Variants in PDE4D observed in about 807,000 individuals in gnomAD.
PDE4D encodes phosphodiesterase 4D.
PDE4D carries 24 observed loss-of-function variants against 87.4 expected under a neutral mutation model. The ratio of observed to expected loss-of-function variants is 0.27; its 90% CI spans 0.20 to 0.39. The LOEUF is 0.39. PDE4D is among the 10% of genes least tolerant of loss of function. The pLI, the probability that PDE4D is intolerant of heterozygous loss-of-function variation, is 1.00. For synonymous variants in PDE4D, 384 were observed against 383.2 expected, an observed-to-expected ratio of 1.00 and a Z score of -0.02; for missense variants, 714 against 1,041.0, an observed-to-expected ratio of 0.69 and a Z score of 4.32.
At chr5:60,001,026 G>T (rs553131020) in intron 2 of PDE4D, among the ~76,000 whole-genome samples, 1 of 152,248 alleles carries the variant, frequency 6.6e-6, no homozygotes, top group Non-Finnish European at 1.5e-5. Context: ...TGTCCCCAGA[G>T]ATGTATGCCC....
chr5:60,013,607 C>T (rs978523852), intron 2 of PDE4D, among the ~76,000 whole-genome samples: 1 of 152,106 alleles, frequency 6.6e-6, no homozygotes, highest in African/African-American at 2.4e-5. Flanking sequence ...GTAAAAGGTA[C>T]AAGAAGTTGA....
At chr5:59,714,705 G>A (rs1256919563) in intron 1 of PDE4D, among the ~76,000 whole-genome samples, 1 of 152,188 alleles carries the variant, frequency 6.6e-6, no homozygotes, top group Non-Finnish European at 1.5e-5. Context: ...AGGTGACAGT[G>A]GACTTTCATA....
intron 1 of PDE4D, among the ~76,000 whole-genome samples, chr5:59,442,711 C>G (rs745428690): frequency 1.3e-5 from 2 of 152,084 alleles, no homozygotes; most frequent in African/African-American, 4.8e-5. Flanking sequence ...GGTGCAGCAA[C>G]CTAGGAAGGT....
At chr5:59,125,790 A>G (rs1391442983) in intron 5 of PDE4D, among the ~76,000 whole-genome samples, 1 of 152,188 alleles carries the variant, frequency 6.6e-6, no homozygotes, top group African/African-American at 2.4e-5. Context: ...GACAGGTCAG[A>G]AAACATCTAA....
chr5:59,016,952 T>C (rs1465200046), intron 6 of PDE4D, among the ~76,000 whole-genome samples: 1 of 151,996 alleles, frequency 6.6e-6, no homozygotes, highest in Non-Finnish European at 1.5e-5. Flanking sequence ...GAGGGTAACA[T>C]CGTACATTGA....
chr5:60,182,621 G>T (rs1321185586), intron 2 of PDE4D, among the ~76,000 whole-genome samples: 1 of 152,124 alleles, frequency 6.6e-6, no homozygotes, highest in Non-Finnish European at 1.5e-5. Flanking sequence ...GCTCATGCCT[G>T]TAATCCCAGC....
intron 5 of PDE4D, among the ~76,000 whole-genome samples, chr5:59,062,567 G>T (rs755282210): frequency 6.6e-6 from 1 of 152,026 alleles, no homozygotes; most frequent in Non-Finnish European, 1.5e-5. Context: ...GGGATAGAGG[G>T]CTATGATGTG....
At chr5:59,019,820 G>T (rs1239551908) in intron 6 of PDE4D, among the ~76,000 whole-genome samples, 1 of 151,970 alleles carries the variant, frequency 6.6e-6, no homozygotes, top group East Asian at 1.9e-4. Flanking sequence ...CACACAACAG[G>T]CTTACATTAT....
intron 1 of PDE4D, among the ~76,000 whole-genome samples, chr5:59,832,144 T>A (rs1741340994): frequency 6.6e-6 from 1 of 152,086 alleles, no homozygotes. Flanking sequence ...TCAAATGGCA[T>A]TAGGCAGTTC....
At chr5:58,997,720 T>A (rs548108999) in intron 6 of PDE4D, among the ~76,000 whole-genome samples, 26 of 152,210 alleles carry the variant, frequency 1.7e-4, no homozygotes, top group African/African-American at 6.0e-4. Context: ...TCCTTTGTTC[T>A]CATTATACAT....
intron 1 of PDE4D, among the ~76,000 whole-genome samples, chr5:60,458,981 G>GTC (rs771230427): frequency 1.4e-5 from 2 of 147,098 alleles, no homozygotes; most frequent in African/African-American, 5.1e-5. Context: ...GTATAAGTTT[G>GTC]TGTGTGTGTG....
At chr5:59,283,990 C>T (rs1288954429) in intron 1 of PDE4D, among the ~76,000 whole-genome samples, 1 of 152,138 alleles carries the variant, frequency 6.6e-6, no homozygotes, top group Non-Finnish European at 1.5e-5. Flanking sequence ...ACAATATGCA[C>T]ACCTAGAATC....
At chr5:59,553,149 A>G (rs1394958489) in intron 1 of PDE4D, among the ~76,000 whole-genome samples, 1 of 152,086 alleles carries the variant, frequency 6.6e-6, no homozygotes, top group Admixed American at 6.6e-5. Context: ...TTTTTGCAAG[A>G]AGGCACAATT....
At chr5:59,881,884 T>C (rs1326286186) in intron 1 of PDE4D, among the ~76,000 whole-genome samples, 2 of 152,196 alleles carry the variant, frequency 1.3e-5, no homozygotes, top group African/African-American at 4.8e-5. Context: ...AAAGAAGTGA[T>C]GCTTGAATCA....
At chr5:60,196,784 G>C (rs1015069995) in intron 1 of PDE4D, among the ~76,000 whole-genome samples, 1 of 151,594 alleles carries the variant, frequency 6.6e-6, no homozygotes, top group African/African-American at 2.4e-5. Context: ...AAGGCACTGA[G>C]CCTTTTATTC....
At chr5:60,013,298 AACCTTTTT>A (rs1474785625) in intron 2 of PDE4D, among the ~76,000 whole-genome samples, 11 of 152,132 alleles carry the variant, frequency 7.2e-5, no homozygotes, top group African/African-American at 2.7e-4. Context: ...CTCAACTTTT[AACCTTTTT>A]ACCTTTAATC....
intron 1 of PDE4D, among the ~76,000 whole-genome samples, chr5:60,475,497 T>C (rs1411513032): frequency 2.6e-5 from 4 of 152,154 alleles, no homozygotes; most frequent in African/African-American, 9.7e-5. Context: ...AGTCATCCTA[T>C]GACGAAAATG....
intron 1 of PDE4D, among the ~76,000 whole-genome samples, chr5:60,257,835 A>G (rs1180433012): frequency 6.6e-6 from 1 of 151,928 alleles, no homozygotes; most frequent in Non-Finnish European, 1.5e-5. Context: ...TCCTAAAATG[A>G]GGTTGATTCT....
chr5:59,374,686 C>A (rs778133268), intron 1 of PDE4D, among the ~76,000 whole-genome samples: 19 of 152,172 alleles, frequency 1.2e-4, no homozygotes, highest in Non-Finnish European at 2.4e-4. Flanking sequence ...TGATAGATAT[C>A]TACAGAAGTC....
Sources: gnomAD v4.1 joint callset for allele counts (sites outside exome capture counted in the v4.1 genomes callset) on GRCh38, gnomAD v4.1.1 for gene constraint, MANE v1.5 for transcripts, NCBI Gene and HGNC (gene_info 2026-07-23, HGNC 2026-07-21) for gene names.